GLIS3: variants seen among roughly 807,000 people sequenced by gnomAD.
GLIS3 encodes the protein GLIS family zinc finger 3.
GLIS3 carries 53 observed loss-of-function variants against 78.6 expected under a neutral mutation model. The observed-to-expected ratio is 0.67, with a 90% CI of 0.54 to 0.85. The LOEUF is 0.85. Ranked by LOEUF, GLIS3 falls within the 40% of genes least tolerant of loss-of-function variation. The probability of loss-of-function intolerance (pLI) is 0.00; values close to 1 mark genes in which losing one functional copy is unlikely to be tolerated. For missense variants in GLIS3, 1,703 were observed against 1,231.1 expected, an observed-to-expected ratio of 1.38 and a Z score of -5.74; for synonymous variants, 684 against 509.9, an observed-to-expected ratio of 1.34 and a Z score of -4.60.
chr9:4,291,624 T>C (rs1007518739), intron 1 of GLIS3, among the ~76,000 whole-genome samples: 3 of 149,742 alleles, frequency 2.0e-5, no homozygotes, highest in African/African-American at 4.9e-5. Context: ...AGGAAGGGAG[T>C]AGGAAAAAAA....
At chr9:4,315,367 A>C (rs73386219) in intron 2 of GLIS3, among the ~76,000 whole-genome samples, 7,901 of 152,206 alleles carry the variant, frequency 0.052, 702 homozygotes, top group African/African-American at 0.18. Context: ...CCTTATTGTT[A>C]GTATTTCAAG....
chr9:4,435,911 T>C, the GLIS3 span, among the ~76,000 whole-genome samples: 4 of 152,176 alleles, frequency 2.6e-5, no homozygotes, highest in Admixed American at 2.0e-4. Flanking sequence ...ATCGTGCCAC[T>C]GCACTCCAGC....
At chr9:4,096,521 C>T (rs1016099355) in intron 4 of GLIS3, among the ~76,000 whole-genome samples, 3 of 152,098 alleles carry the variant, frequency 2.0e-5, no homozygotes, top group African/African-American at 7.2e-5. Flanking sequence ...TGGTGGAGTC[C>T]TTACTGAATT....
chr9:4,162,059 C>T (rs1368508237), intron 2 of GLIS3, among the ~76,000 whole-genome samples: 1 of 152,064 alleles, frequency 6.6e-6, no homozygotes. Flanking sequence ...AGGATCCTTC[C>T]TTGCCCCTTC....
At chr9:4,316,734 G>T (rs58755981) in intron 2 of GLIS3, among the ~76,000 whole-genome samples, 7,731 of 152,226 alleles carry the variant, frequency 0.051, 673 homozygotes, top group African/African-American at 0.18. Flanking sequence ...GCTGGGATAA[G>T]CTTCGACCAT....
At chr9:4,354,920 T>G in the GLIS3 span, among the ~76,000 whole-genome samples, 47 of 151,922 alleles carry the variant, frequency 3.1e-4, no homozygotes, top group African/African-American at 9.4e-4. Flanking sequence ...ATCGAGACCA[T>G]CCTGGCTAAC....
At chr9:3,969,170 A>C (rs997483146) in intron 4 of GLIS3, among the ~76,000 whole-genome samples, 2 of 152,214 alleles carry the variant, frequency 1.3e-5, no homozygotes, top group Admixed American at 6.5e-5. Context: ...TGGCAAACTG[A>C]ACAATGAGCC....
chr9:4,243,487 G>A (rs1406820027), intron 2 of GLIS3, among the ~76,000 whole-genome samples: 2 of 152,110 alleles, frequency 1.3e-5, no homozygotes, highest in African/African-American at 2.4e-5. Context: ...CTGCCAATGA[G>A]AAATGGTTCT....
the GLIS3 span, among the ~76,000 whole-genome samples, chr9:4,411,905 AT>A: frequency 6.6e-6 from 1 of 152,254 alleles, no homozygotes; most frequent in Non-Finnish European, 1.5e-5. Flanking sequence ...ACCATTTAAC[AT>A]TTTGGCTCAT....
chr9:4,418,024 A>G, the GLIS3 span, among the ~76,000 whole-genome samples: 1 of 152,182 alleles, frequency 6.6e-6, no homozygotes, highest in Non-Finnish European at 1.5e-5. Flanking sequence ...AAAACCCGCT[A>G]ACACCTCCAG....
intron 2 of GLIS3, among the ~76,000 whole-genome samples, chr9:4,332,252 T>C (rs1187946818): frequency 2.0e-5 from 3 of 152,214 alleles, no homozygotes; most frequent in African/African-American, 7.2e-5. Flanking sequence ...CATTCACTGA[T>C]AGCGCCTTTC....
chr9:4,196,846 G>A (rs1324950184), intron 2 of GLIS3, among the ~76,000 whole-genome samples: 1 of 152,194 alleles, frequency 6.6e-6, no homozygotes, highest in African/African-American at 2.4e-5. Context: ...ACCAAGTCCA[G>A]CTTGGCAACC....
At chr9:4,292,335 G>C (rs1017871569) in intron 1 of GLIS3, among the ~76,000 whole-genome samples, 1 of 152,210 alleles carries the variant, frequency 6.6e-6, no homozygotes, top group East Asian at 1.9e-4. Context: ...TTATTTGTGG[G>C]TATACCTATC....
In GLIS3 at chr9:4,279,320, TATATAC is replaced by T. The variant is rs1361100821; in HGVS notation, c.388+6712_388+6717del. Among the ~76,000 whole-genome samples, 7 of 54,416 alleles carry T rather than the reference TATATAC, an allele frequency of 1.3e-4. No individual in the cohort carries two copies. In the South Asian group the frequency reaches 3.3e-3, roughly 25 times the overall value. 35.7% of individuals were successfully genotyped at this position (54,416 alleles called of 152,430 possible). On this transcript the variant is annotated intron_variant, in intron 2 of 10. Transcript: ENST00000381971. ...CTCAAAAAAAAAAAAAAAAAATATA[TATATAC>T]ACACACACACACACACACACACACA...
intron 2 of GLIS3, among the ~76,000 whole-genome samples, chr9:4,345,511 G>A (rs991722241): frequency 2.0e-5 from 3 of 152,138 alleles, no homozygotes; most frequent in Admixed American, 6.5e-5. Context: ...ATTTTTAAAT[G>A]TATCATAATT....
At chr9:4,240,567 G>A (rs1302999138) in intron 2 of GLIS3, among the ~76,000 whole-genome samples, 1 of 152,128 alleles carries the variant, frequency 6.6e-6, no homozygotes, top group South Asian at 2.1e-4. Context: ...AAGATTACAA[G>A]GGGGTACTAA....
chr9:3,885,617 A>C (rs1822024570), intron 7 of GLIS3, among the ~76,000 whole-genome samples: 1 of 152,190 alleles, frequency 6.6e-6, no homozygotes, highest in Non-Finnish European at 1.5e-5. Flanking sequence ...ACGGAGGATA[A>C]GCTAATCAAT....
At chr9:4,222,460 CCT>C (rs1478673091) in intron 2 of GLIS3, among the ~76,000 whole-genome samples, 5 of 152,190 alleles carry the variant, frequency 3.3e-5, no homozygotes, top group Admixed American at 6.5e-5. Context: ...ACCCTATCCC[CCT>C]GTGTTTACCT....
the GLIS3 span, among the ~76,000 whole-genome samples, chr9:4,380,115 G>T: frequency 6.6e-6 from 1 of 152,156 alleles, no homozygotes. Flanking sequence ...GTGGGACAAG[G>T]TTTCAAACCT....
Sources: allele counts gnomAD v4.1 joint callset (sites outside exome capture counted in the v4.1 genomes callset), GRCh38; gene constraint gnomAD v4.1.1; transcripts MANE v1.5; gene names NCBI Gene and HGNC (gene_info 2026-07-23, HGNC 2026-07-21).